Variants in FHIP2B observed in about 807,000 individuals in gnomAD.
FHIP2B encodes the protein FHF complex subunit HOOK interacting protein 2B, also known as FHF complex subunit HOOK-interacting protein 2B.
FHIP2B carries 72 observed loss-of-function variants against 84.0 expected under a neutral mutation model. That is an observed-to-expected ratio of 0.86 (90% CI 0.71 to 1.04). The LOEUF (loss-of-function observed/expected upper bound fraction) is 1.04. Ranked by LOEUF, FHIP2B falls within the 50% of genes least tolerant of loss-of-function variation. The pLI is 0.00. For missense variants in FHIP2B, 972 were observed against 968.9 expected (o/e 1.00, Z -0.04); for synonymous variants, 497 against 418.7 (o/e 1.19, Z -2.28).
rs1280832338 is a variant in FHIP2B, at chr8:22,096,345, A to AC, written c.138dup (p.Ala47ArgfsTer20). The AC allele has an allele frequency of 1.0e-5, 16 of 1,549,230 alleles. No homozygotes were observed. Among genetic ancestry groups the AC allele is most frequent in the Non-Finnish European group, 1.4e-5 (16 of 1,146,030 alleles). ...TTCCCAAACATCATTAGATGAAAGC[A>AC]CCCCCGCCAAGAAGACAGACATTCC... On this transcript the variant is annotated frameshift_variant, in exon 3 of 17. Transcript: ENST00000289921. LOFTEE classifies it high-confidence loss of function.
At position 22,102,568 on chromosome 8, in the gene FHIP2B, A is replaced by AGTTCCCAGGCAAGCTGCTCCTG; in HGVS notation, c.2036_2057dup (p.Arg687ProfsTer51). The AGTTCCCAGGCAAGCTGCTCCTG allele has an allele frequency of 6.4e-7, 1 of 1,563,622 alleles. No homozygotes were observed. The highest frequency in any genetic ancestry group is 8.7e-7 in the Non-Finnish European group (1 of 1,154,468). On this transcript the variant is annotated frameshift_variant, in exon 16 of 17. Coordinates refer to ENST00000289921, the MANE Select transcript of FHIP2B (RefSeq NM_022749.7). LOFTEE classifies it high-confidence loss of function. The stretch of plus-strand genomic sequence containing the variant: ...ATGCAGAGAATCCAGAGGGTACCCC[A>AGTTCCCAGGCAAGCTGCTCCTG]GTTCCCAGGCAAGCTGCTCCTGGTG...
rs780350180 is a variant in FHIP2B, at chr8:22,101,512, C to G, written c.1689C>G (p.Val563=). The part of the protein sequence containing the change: ...FLEETGYDTY[V]HDAYGLFQEC... ...AGGAGACAGGCTATGACACATACGT[C>G]CACGATGCTTATGGCCTGGTGAGTG... Residue 563 remains valine, a synonymous_variant, in exon 13 of 17, where the codon GTC becomes GTG. Coordinates refer to ENST00000289921, the MANE Select transcript of FHIP2B (RefSeq NM_022749.7). 6.2e-7 allele frequency: 1 copy of G among 1,612,528 alleles called. No homozygotes were observed. The highest frequency in any genetic ancestry group is 1.1e-5 in the South Asian group (1 of 90,854).
chr8:22,096,343 G>A lies in FHIP2B; in HGVS notation c.131G>A (p.Ser44Asn). 1.3e-6 allele frequency: 2 copies of A among 1,551,392 alleles called. No homozygotes were observed. Among genetic ancestry groups the A allele is most frequent in the Non-Finnish European group, 1.7e-6 (2 of 1,146,914 alleles). The part of the protein sequence containing the change: ...THYYIESTDE[S>N]TPAKKTDIPW... Reference sequence around the variant, plus strand: ...GTTTCCCAAACATCATTAGATGAAAGCACCCCCGCCAAGAAGACAGACATT... The same window carrying A: ...GTTTCCCAAACATCATTAGATGAAAACACCCCCGCCAAGAAGACAGACATT... Residue 44 changes from serine (S) to asparagine (N), a missense_variant, in exon 3 of 17, where the codon AGC becomes AAC. Coordinates refer to ENST00000289921, the MANE Select transcript of FHIP2B (RefSeq NM_022749.7).
rs60525064 is a variant in FHIP2B at position 22,104,831 on chromosome 8, T to TAAAAAAAAAAAAAAAAAAAAAAA, written c.*1918_*1919insAAAAAAAAAAAAAAAAAAAAAAA. On this transcript the variant is annotated 3_prime_UTR_variant, in exon 17 of 17. Coordinates refer to ENST00000289921, the MANE Select transcript of FHIP2B (RefSeq NM_022749.7). ...CTGGGCAATAGAGTAAGACCCTGTC[T>TAAAAAAAAAAAAAAAAAAAAAAA]AAAAAAAAAAAAAAAAAATTTCACA... is the stretch of plus-strand genomic sequence containing the variant. The TAAAAAAAAAAAAAAAAAAAAAAA allele has an allele frequency of 6.3e-5, 8 of 126,508 alleles. No individual in the cohort carries two copies. The highest frequency in any genetic ancestry group is 3.1e-4 in the Admixed American group (4 of 13,092). The allele number at this position is 126,508 out of a possible 1,614,324, so 7.8% of individuals were successfully genotyped here.
Position 22,102,304 on chromosome 8 carries a change from G to C in FHIP2B, c.1981G>C (p.Val661Leu), listed in dbSNP as rs780463207. Residue 661 changes from valine (V) to leucine (L), a missense_variant, in exon 15 of 17, where the codon GTG becomes CTG. Coordinates refer to ENST00000289921, the MANE Select transcript of FHIP2B (RefSeq NM_022749.7). ...CCCCGGCTGCAGGAGCCTATTCTCC[G>C]TGTTGGTGAGGGTGAGGACGCCTCG... ...LAPGCRSLFS[V>L]LVRVIGDLMQ... The C allele has an allele frequency of 2.5e-5, 41 of 1,612,418 alleles. No individual in the cohort carries two copies. The highest frequency in any genetic ancestry group is 3.3e-5 in the Non-Finnish European group (39 of 1,179,832).
At chr8:22,090,460 AG>A (rs1825430531) in intron 1 of FHIP2B, among the ~76,000 whole-genome samples, 1 of 152,080 alleles carries the variant, frequency 6.6e-6, no homozygotes, top group African/African-American at 2.4e-5. Context: ...CCAGGTAGAG[AG>A]GGTTCCAAAA....
chr8:22,093,827 C>T (rs1477889869), intron 1 of FHIP2B, among the ~76,000 whole-genome samples: 6 of 143,198 alleles, frequency 4.2e-5, no homozygotes, highest in Admixed American at 7.5e-5. Context: ...AGGTGATCCT[C>T]GCACCCCAGC....
intron 2 of FHIP2B, chr8:22,094,942 A>G: frequency 4.8e-6 from 5 of 1,031,220 alleles, no homozygotes; most frequent in Non-Finnish European, 5.8e-6. Context: ...ATGTCCTTGT[A>G]GAGATCTGGG....
At chr8:22,100,122 G>T in intron 10 of FHIP2B, 1 of 512,400 alleles carries the variant, frequency 2.0e-6, no homozygotes, top group South Asian at 2.7e-5. Flanking sequence ...GCCCTGGAGT[G>T]CAGAGGTGTG....
At position 22,099,867 on chromosome 8, in the gene FHIP2B, G is replaced by A. The variant is rs758473616; in HGVS notation, c.1315G>A (p.Gly439Arg). 36 of 1,611,778 alleles carry A rather than the reference G, an allele frequency of 2.2e-5. No homozygotes were observed. In the South Asian group the frequency reaches 2.9e-4, roughly 13 times the overall value. The change falls in exon 10 of 17, where the codon GGG (glycine) becomes AGG (arginine). Residue 439 changes from glycine to arginine, a missense_variant. Transcript: ENST00000289921. ...CCACACCCTGTATGCTCATCTCATC[G>A]GGCATTGTGACCACCTCTCTGATGA... ...NPHTLYAHLI[G>R]HCDHLSDEIS...
chr8:22,097,057 A>G (rs1825810994), intron 3 of FHIP2B: 1 of 181,144 alleles, frequency 5.5e-6, no homozygotes, highest in South Asian at 1.5e-4. Context: ...AAAAAAGGAA[A>G]GAAAACTCGA....
intron 3 of FHIP2B, 31 bp downstream of exon 3, chr8:22,096,540 C>G: frequency 6.8e-7 from 1 of 1,480,768 alleles, no homozygotes; most frequent in Non-Finnish European, 9.0e-7. Flanking sequence ...TGGGCCAGGC[C>G]GAGGTGGGAG....
Position 22,098,212 on chromosome 8 carries a change from G to C in FHIP2B, c.670G>C (p.Ala224Pro), listed in dbSNP as rs1563595980. Residue 224 changes from alanine to proline, a missense_variant, in exon 6 of 17, where the codon GCC becomes CCC. Coordinates refer to ENST00000289921, the MANE Select transcript of FHIP2B (RefSeq NM_022749.7). The stretch of plus-strand genomic sequence containing the variant: ...GGACGGGGAGTCCTGTGGGGCCCAG[G>C]CCTTGAACAGCCACATGCCTGCTGA... ...QLDGESCGAQALNSHMPAETE... is the reference protein window; with the variant it reads ...QLDGESCGAQPLNSHMPAETE... 3 of 1,583,982 alleles carry C rather than the reference G, an allele frequency of 1.9e-6. No homozygotes were observed. The highest frequency in any genetic ancestry group is 1.7e-6 in the Non-Finnish European group (2 of 1,165,746).
chr8:22,098,017 C>T, intron 5 of FHIP2B, 51 bp from the exon 6 acceptor site: 2 of 1,540,806 alleles, frequency 1.3e-6, no homozygotes, highest in Non-Finnish European at 1.8e-6. Flanking sequence ...CAGTGGGGGA[C>T]CCTGGGAAGT....
rs1395252472 is a variant in FHIP2B at position 22,101,804 on chromosome 8, C to T, written c.1804C>T (p.His602Tyr). The change falls in exon 14 of 17, where the codon CAC (histidine) becomes TAC (tyrosine). Residue 602 changes from histidine (H) to tyrosine (Y), a missense_variant. By Grantham distance (83) the His-to-Tyr change is moderately conservative (BLOSUM62 2). Transcript: ENST00000289921. ...HEPERPFFEG[H>Y]FLRVLFDRMS... ...GCCCGAGCGACCTTTCTTCGAGGGCCACTTCCTCCGAGTGCTGTTTGACCG... is the reference window on the plus strand; with the variant it reads ...GCCCGAGCGACCTTTCTTCGAGGGCTACTTCCTCCGAGTGCTGTTTGACCG... 1.9e-6 allele frequency: 3 copies of T among 1,613,544 alleles called. No homozygotes were observed. Among genetic ancestry groups the T allele is most frequent in the African/African-American group, 1.3e-5 (1 of 74,944 alleles).
At position 22,100,721 on chromosome 8, in the gene FHIP2B, A is replaced by G; in HGVS notation, c.1469A>G (p.Glu490Gly). The change falls in exon 11 of 17, where the codon GAG becomes GGG. Residue 490 changes from glutamate to glycine, a missense_variant. Coordinates refer to ENST00000289921, the MANE Select transcript of FHIP2B (RefSeq NM_022749.7). ...GTGGCCTGGGGCTCACCAGAGCCTG[A>G]GAGCTATGAGGACACCCTGTAAGTG... is the stretch of plus-strand genomic sequence containing the variant. ...PYVAWGSPEP[E>G]SYEDTLDLEE... 6.2e-7 allele frequency: 1 copy of G among 1,602,952 alleles called. No individual in the cohort carries two copies. Among genetic ancestry groups the G allele is most frequent in the South Asian group, 1.1e-5 (1 of 89,774 alleles).
chr8:22,098,388 A>G, intron 6 of FHIP2B, 35 bp from the exon 7 acceptor site: 3 of 1,554,950 alleles, frequency 1.9e-6, no homozygotes, highest in South Asian at 1.2e-5. Flanking sequence ...GGGGGCTCAC[A>G]TGCATGTCCC....
chr8:22,103,132 T>C lies in FHIP2B; in HGVS notation c.*201T>C. The C allele has an allele frequency of 1.5e-6, 1 of 684,328 alleles. No individual in the cohort carries two copies. The highest frequency in any genetic ancestry group is 2.8e-5 in the East Asian group (1 of 35,230). The allele number at this position is 684,328 out of a possible 1,614,324, so 42.4% of individuals were successfully genotyped here. On this transcript the variant is annotated 3_prime_UTR_variant, in exon 17 of 17. Transcript: ENST00000289921. ...GTGCCAAGGAGCCAAACAGATGGCT[T>C]TCCAGGCAGCAAGGTCCTTGGGGCC...
Position 22,098,254 on chromosome 8 carries a change from G to A in FHIP2B, c.712G>A (p.Gly238Ser), listed in dbSNP as rs139434422. ...GCCTGCTGAGACCGAGGAGCTGGAC[G>A]GTGGGACCACAGAGAGCAACCTGAT... ...HMPAETEELD[G>S]GTTESNLITS... Residue 238 changes from glycine to serine, a missense_variant, in exon 6 of 17, where the codon GGT becomes AGT. Gly to Ser is a moderately conservative substitution (Grantham distance 56). Transcript: ENST00000289921. 7.5e-6 allele frequency: 12 copies of A among 1,594,108 alleles called. No homozygotes were observed. Among genetic ancestry groups the A allele is most frequent in the Middle Eastern group, 1.7e-4 (1 of 5,958 alleles).
Sources: allele counts gnomAD v4.1 joint callset (sites outside exome capture counted in the v4.1 genomes callset), GRCh38; gene constraint gnomAD v4.1.1; transcripts MANE v1.5; gene names NCBI Gene and HGNC (gene_info 2026-07-23, HGNC 2026-07-21).